PPP6R1: variants seen among roughly 807,000 people sequenced by gnomAD.
PPP6R1 encodes serine/threonine-protein phosphatase 6 regulatory subunit 1.
A neutral mutation model predicts 104.6 loss-of-function variants in PPP6R1; 39 were observed. The observed-to-expected ratio is 0.37, with a 90% CI of 0.29 to 0.49. The LOEUF (loss-of-function observed/expected upper bound fraction) is 0.49, where lower values mean the gene tolerates loss of function less well. Ranked by LOEUF, PPP6R1 falls within the 20% of genes least tolerant of loss-of-function variation. The pLI is 0.98. For missense variants in PPP6R1, 1,181 were observed against 1,155.8 expected (o/e 1.02, Z -0.32); for synonymous variants, 549 against 479.0 (o/e 1.15, Z -1.91).
At position 55,230,617 on chromosome 19, in the gene PPP6R1, A is replaced by G; in HGVS notation, c.2638T>C (p.Ser880Pro). 6.2e-7 allele frequency: 1 copy of G among 1,612,356 alleles called. No homozygotes were observed. Among genetic ancestry groups the G allele is most frequent in the South Asian group, 1.1e-5 (1 of 90,908 alleles). Reference sequence around the variant, plus strand: ...CGAGGCTGCAGCCACACTCACTGGGAGCCTGGGGATGCAGGCCCTTCCGGG... The same window carrying G: ...CGAGGCTGCAGCCACACTCACTGGGGGCCTGGGGATGCAGGCCCTTCCGGG... Reference protein sequence around the residue: ...SAPEGPASPGSQ With the variant: ...SAPEGPASPGPQ The change falls in exon 23 of 24, where the codon TCC (serine) becomes CCC (proline). Residue 880 changes from serine to proline, a missense_variant. Around this residue, in one of 2 missense-constraint regions of PPP6R1, gnomAD observed 1,042 missense variants for 955.6 expected, o/e 1.09. Coordinates refer to ENST00000412770, the MANE Select transcript of PPP6R1 (RefSeq NM_014931.4).
chr19:55,235,941 C>CG (rs1412342065), intron 17 of PPP6R1, among the ~76,000 whole-genome samples: 2 of 148,870 alleles, frequency 1.3e-5, no homozygotes, highest in East Asian at 3.9e-4. Flanking sequence ...CAGGGTAAAG[C>CG]GATCCTTCCA....
chr19:55,229,402 C>T (rs1043455926), downstream of PPP6R1: 1 of 152,768 alleles, frequency 6.5e-6, no homozygotes, highest in African/African-American at 2.4e-5. Context: ...TTTCCCAGCG[C>T]CGCTCACCGG....
At chr19:55,246,850 G>A (rs773817551) in intron 2 of PPP6R1, 27 bp downstream of exon 2, 81 of 1,532,664 alleles carry the variant, frequency 5.3e-5, no homozygotes, top group Admixed American at 7.8e-5. Context: ...TGATAGGGAC[G>A]GGCTGGCCAG....
At chr19:55,243,095 C>G (rs1219025396) in intron 5 of PPP6R1, among the ~76,000 whole-genome samples, 1 of 152,140 alleles carries the variant, frequency 6.6e-6, no homozygotes, top group Non-Finnish European at 1.5e-5. Context: ...TGTGATGGCA[C>G]ATGCCTATAA....
At chr19:55,239,293 T>C (rs2087427642) in intron 15 of PPP6R1, 112 bp downstream of exon 15, 2 of 1,105,014 alleles carry the variant, frequency 1.8e-6, no homozygotes, top group Admixed American at 2.0e-5. Context: ...GGGCCACAGC[T>C]GCAGGCTGAG....
In PPP6R1 at chr19:55,237,015, G is replaced by A. The variant is rs372607455; in HGVS notation, c.1752-45C>T. ...ATGGTGAGAAGGTCCACCTGGGGGT[G>A]GGGGCAGCACAGGACAGGCCACATT... On this transcript the variant is annotated intron_variant, in intron 15 of 23. Coordinates refer to ENST00000412770, the MANE Select transcript of PPP6R1 (RefSeq NM_014931.4). The A allele has an allele frequency of 1.3e-3, 1,949 of 1,542,706 alleles. 5 individuals are homozygous for A. Among genetic ancestry groups the A allele is most frequent in the Non-Finnish European group, 1.6e-3 (1,739 of 1,116,736 alleles).
intron 15 of PPP6R1, 119 bp from the exon 16 acceptor site, chr19:55,237,089 T>C (rs2087406771): frequency 4.6e-6 from 5 of 1,086,744 alleles, no homozygotes; most frequent in Non-Finnish European, 5.5e-6. Context: ...GCAGATTTGG[T>C]ATCTGCAAAT....
chr19:55,236,045 G>C (rs1165250504), intron 17 of PPP6R1, among the ~76,000 whole-genome samples: 4 of 150,986 alleles, frequency 2.6e-5, no homozygotes, highest in Non-Finnish European at 5.9e-5. Context: ...GCCCAGGCTA[G>C]GTCTCAAACT....
Position 55,241,667 on chromosome 19 carries a change from G to A in PPP6R1, c.846-28C>T. ...GCAGCAGGGCAGGGTCGAAGGCGGAGTGAGCCTAGATGGCCTGTGCGCCCA... is the reference window on the plus strand; with the variant it reads ...GCAGCAGGGCAGGGTCGAAGGCGGAATGAGCCTAGATGGCCTGTGCGCCCA... On this transcript the variant is annotated intron_variant, in intron 7 of 23. Transcript: ENST00000412770. The surrounding 1 kb of genome is among the most constrained non-coding windows in gnomAD (Gnocchi z 5.4). 6.5e-7 allele frequency: 1 copy of A among 1,537,746 alleles called. No individual in the cohort carries two copies. Among genetic ancestry groups the A allele is most frequent in the Non-Finnish European group, 8.8e-7 (1 of 1,141,192 alleles).
intron 1 of PPP6R1, among the ~76,000 whole-genome samples, chr19:55,258,200 A>G (rs66951554): frequency 0.13 from 19,673 of 152,180 alleles, 1,855 homozygotes; most frequent in African/African-American, 0.27. Context: ...CGAGAGCAAG[A>G]GACTGAGACT....
intron 15 of PPP6R1, chr19:55,239,185 G>C (rs2087425737): frequency 1.7e-6 from 1 of 574,832 alleles, no homozygotes; most frequent in African/African-American, 1.9e-5. Flanking sequence ...CTGCCTCTCG[G>C]AGAGAAGAGA....
At chr19:55,237,349 C>T (rs2087409186) in intron 15 of PPP6R1, among the ~76,000 whole-genome samples, 1 of 152,146 alleles carries the variant, frequency 6.6e-6, no homozygotes, top group Non-Finnish European at 1.5e-5. Flanking sequence ...GAGGCTGACA[C>T]TCACACCAGC....
At chr19:55,252,902 A>C (rs1600118085) in intron 1 of PPP6R1, among the ~76,000 whole-genome samples, 1 of 151,914 alleles carries the variant, frequency 6.6e-6, no homozygotes, top group Non-Finnish European at 1.5e-5. Flanking sequence ...AAAAAAAAAA[A>C]CCTGCCTCAG....
chr19:55,245,794 CCT>C lies in PPP6R1; in HGVS notation c.228-118_228-117del. On this transcript the variant is annotated intron_variant, in intron 2 of 23. Transcript: ENST00000412770. This position sits in a 1 kb window ranked among gnomAD's most constrained non-coding sequence, Gnocchi z 6.4. ...TGGGTTTCTGGGAACTGCAGAGACC[CCT>C]GTCCAGGAAGGGGAAAGGGCAGAGG... 3.5e-6 allele frequency: 3 copies of C among 864,720 alleles called. No homozygotes were observed. Among genetic ancestry groups the C allele is most frequent in the Admixed American group, 2.4e-5 (1 of 41,094 alleles). 53.6% of individuals were successfully genotyped at this position (864,720 alleles called of 1,614,324 possible).
At chr19:55,254,681 G>GC (rs1423676373) in intron 1 of PPP6R1, among the ~76,000 whole-genome samples, 1 of 152,214 alleles carries the variant, frequency 6.6e-6, no homozygotes. Context: ...CCAATGCTCA[G>GC]CAGAAGCTCC....
chr19:55,229,358 AC>A (rs2087315833), downstream of PPP6R1: 1 of 154,660 alleles, frequency 6.5e-6, no homozygotes, highest in South Asian at 2.0e-4. Flanking sequence ...CCCAGTGAGG[AC>A]GCTGTCCTCA....
In PPP6R1 at chr19:55,235,520, T is replaced by TTC. The variant is rs1263663233; in HGVS notation, c.1988+1122_1988+1123insGA. On this transcript the variant is annotated intron_variant, in intron 17 of 23. Transcript: ENST00000412770. ...ACTTAACTCATTTGAATTAGATTCC[T>TTC]TTTTTTTTTTTTTTCTGAGACAGAG... is the stretch of plus-strand genomic sequence containing the variant. Among the ~76,000 whole-genome samples, 665 of 147,004 alleles carry TTC rather than the reference T, an allele frequency of 4.5e-3. 8 individuals are homozygous for TTC. The highest frequency in any genetic ancestry group is 0.015 in the African/African-American group (594 of 40,228).
rs1473163513 is a variant in PPP6R1 at position 55,239,459 on chromosome 19, A to G, written c.1697T>C (p.Ile566Thr). Residue 566 changes from isoleucine to threonine, a missense_variant, in exon 15 of 24, where the codon ATT becomes ACT. Physicochemically the swap from Ile to Thr is moderately conservative, Grantham distance 89. Around this residue, in one of 2 missense-constraint regions of PPP6R1, gnomAD observed 1,042 missense variants for 955.6 expected, o/e 1.09. Transcript: ENST00000412770. ...FQMQRMTSAFIDHFGFNDEEF... is the reference protein window; with the variant it reads ...FQMQRMTSAFTDHFGFNDEEF... ...CTCATCATTGAAGCCGAAGTGGTCA[A>G]TGAAGGCAGAGGTCATGCGCTGCAT... 1 of 1,614,024 alleles carries G rather than the reference A, an allele frequency of 6.2e-7. No individual in the cohort carries two copies. Among genetic ancestry groups the G allele is most frequent in the Non-Finnish European group, 8.5e-7 (1 of 1,179,886 alleles).
At chr19:55,246,850 G>C in intron 2 of PPP6R1, 27 bp downstream of exon 2, 1 of 1,532,782 alleles carries the variant, frequency 6.5e-7, no homozygotes, top group Admixed American at 1.9e-5. Flanking sequence ...TGATAGGGAC[G>C]GGCTGGCCAG....
Sources: allele counts gnomAD v4.1 joint callset (sites outside exome capture counted in the v4.1 genomes callset), GRCh38; gene constraint gnomAD v4.1.1; regional missense constraint gnomAD v4.1.1; non-coding constraint Gnocchi (gnomAD v3.1); transcripts MANE v1.5; gene names NCBI Gene and HGNC (gene_info 2026-07-23, HGNC 2026-07-21).